NCKAP5L: variants seen among roughly 807,000 people sequenced by gnomAD.
The protein encoded by NCKAP5L is nck-associated protein 5-like.
NCKAP5L carries 54 observed loss-of-function variants against 103.2 expected under a neutral mutation model. The observed-to-expected ratio is 0.52, with a 90% CI of 0.42 to 0.66. The LOEUF is 0.66. Ranked by LOEUF, NCKAP5L falls within the 30% of genes least tolerant of loss-of-function variation. The pLI is 0.00. For missense variants in NCKAP5L, 1,733 were observed against 1,750.6 expected (o/e 0.99, Z 0.18); for synonymous variants, 762 against 748.6 (o/e 1.02, Z -0.29).
chr12:49,824,359 G>A (rs966831753), intron 1 of NCKAP5L, among the ~76,000 whole-genome samples: 5 of 152,238 alleles, frequency 3.3e-5, no homozygotes, highest in Non-Finnish European at 7.3e-5. Flanking sequence ...CTTACAGCCA[G>A]GTAGGCAGAT....
intron 1 of NCKAP5L, among the ~76,000 whole-genome samples, chr12:49,809,555 C>T (rs969127509): frequency 3.9e-5 from 6 of 152,142 alleles, no homozygotes; most frequent in Admixed American, 1.3e-4. Flanking sequence ...TAACACCAAC[C>T]GCTTCCCTCC....
chr12:49,808,389 A>G (rs1264861226), intron 1 of NCKAP5L, among the ~76,000 whole-genome samples: 1 of 152,212 alleles, frequency 6.6e-6, no homozygotes, highest in African/African-American at 2.4e-5. Context: ...CCTCCTCTGC[A>G]TCTGCAGGGC....
At position 49,795,451 on chromosome 12, in the gene NCKAP5L, G is replaced by C; in HGVS notation, c.2409C>G (p.Ser803Arg). Residue 803 changes from serine (S) to arginine (R), a missense_variant, in exon 8 of 13, where the codon AGC becomes AGG. Transcript: ENST00000335999. ...GAGGGCTCTTATTGGGCTTGCCCAG[G>C]CTTGGGGCTGAGGTTGGCACTTTGG... ...TPAKVPTSAP[S>R]LGKPNKSPHS... 1 of 1,568,114 alleles carries C rather than the reference G, an allele frequency of 6.4e-7. No homozygotes were observed.
At chr12:49,794,344 T>C (rs1360439797) in intron 8 of NCKAP5L, among the ~76,000 whole-genome samples, 1 of 152,134 alleles carries the variant, frequency 6.6e-6, no homozygotes, top group Middle Eastern at 3.2e-3. Context: ...CCAAGATGGG[T>C]GGATCCCTTC....
chr12:49,819,496 T>TA (rs1946337807), intron 1 of NCKAP5L, among the ~76,000 whole-genome samples: 1 of 152,114 alleles, frequency 6.6e-6, no homozygotes, highest in Non-Finnish European at 1.5e-5. Context: ...TATTCAGTCC[T>TA]AAAAAAGGAG....
In NCKAP5L at chr12:49,795,859, G is replaced by A. The variant is rs774579281; in HGVS notation, c.2001C>T (p.Ala667=). Residue 667 remains alanine (A), a synonymous_variant, in exon 8 of 13, where the codon GCC becomes GCT. Coordinates refer to ENST00000335999, the MANE Select transcript of NCKAP5L (RefSeq NM_001037806.4). ...GSTPLRDRLA[A]LGKLKTGPEG... is the part of the protein sequence containing the mutation. ...CGGGGCCTGTCTTCAGCTTCCCCAG[G>A]GCCGCCAGTCTGTCCCGCAGAGGTG... is the stretch of plus-strand genomic sequence containing the variant. 1.9e-6 allele frequency: 3 copies of A among 1,567,452 alleles called. No homozygotes were observed. The Admixed American group carries it at 5.8e-5, about 31-fold the overall frequency.
intron 1 of NCKAP5L, among the ~76,000 whole-genome samples, chr12:49,816,963 T>C (rs1946305807): frequency 6.6e-6 from 1 of 152,136 alleles, no homozygotes; most frequent in South Asian, 2.1e-4. Flanking sequence ...GGTCAGCTCT[T>C]GGGCTTCTTG....
Position 49,797,774 on chromosome 12 carries a change from G to T in NCKAP5L, c.466-380C>A, listed in dbSNP as rs1410048464. Reference sequence around the variant, plus strand: ...TTCTCGGGCCCAGAAAGAACACACAGACTCCAGAAGGGAGTGTGATGTGGC... The same window carrying T: ...TTCTCGGGCCCAGAAAGAACACACATACTCCAGAAGGGAGTGTGATGTGGC... On this transcript the variant is annotated intron_variant, in intron 7 of 12. Coordinates refer to ENST00000335999, the MANE Select transcript of NCKAP5L (RefSeq NM_001037806.4). The surrounding 1 kb of genome is among the most constrained non-coding windows in gnomAD (Gnocchi z 4.5). 6.6e-6 allele frequency among the ~76,000 whole-genome samples: 1 copy of T among 152,172 alleles called. No homozygotes were observed. Among genetic ancestry groups the T allele is most frequent in the African/African-American group, 2.4e-5 (1 of 41,428 alleles).
At position 49,791,963 on chromosome 12, in the gene NCKAP5L, G is replaced by C; in HGVS notation, c.3881C>G (p.Pro1294Arg). Reference protein sequence around the residue: ...QGPPFGGSRTPSTSDMAEEGR... With the variant: ...QGPPFGGSRTRSTSDMAEEGR... ...TTCCTCGGCCATGTCCGAAGTGCTG[G>C]GGGTGCGGCTACCCCCGAAAGGTGG... Residue 1294 changes from proline to arginine, a missense_variant, in exon 13 of 13, where the codon CCC (proline) becomes CGC (arginine). Pro to Arg is a moderately radical substitution (Grantham distance 103). Coordinates refer to ENST00000335999, the MANE Select transcript of NCKAP5L (RefSeq NM_001037806.4). 6.2e-7 allele frequency: 1 copy of C among 1,611,234 alleles called. No homozygotes were observed. Among genetic ancestry groups the C allele is most frequent in the South Asian group, 1.1e-5 (1 of 90,804 alleles).
intron 6 of NCKAP5L, among the ~76,000 whole-genome samples, chr12:49,800,387 C>T (rs925069058): frequency 2.6e-5 from 4 of 152,246 alleles, no homozygotes; most frequent in Admixed American, 2.0e-4. Context: ...GCAGAGGCCT[C>T]AGCCCTTAGA....
At chr12:49,816,760 G>A (rs1946302871) in intron 1 of NCKAP5L, among the ~76,000 whole-genome samples, 1 of 150,506 alleles carries the variant, frequency 6.6e-6, no homozygotes, top group Non-Finnish European at 1.5e-5. Context: ...TCGCGCCACT[G>A]TACTCCAGCC....
At chr12:49,808,586 C>T (rs775589215) in intron 1 of NCKAP5L, among the ~76,000 whole-genome samples, 1 of 152,230 alleles carries the variant, frequency 6.6e-6, no homozygotes, top group Non-Finnish European at 1.5e-5. Context: ...ACCACCAGCT[C>T]CAAATCGAAG....
rs747197154 is a variant in NCKAP5L, at chr12:49,792,087, C to G, written c.3793-36G>C. On this transcript the variant is annotated intron_variant, in intron 12 of 12. Coordinates refer to ENST00000335999, the MANE Select transcript of NCKAP5L (RefSeq NM_001037806.4). The surrounding 1 kb of genome is among the most constrained non-coding windows in gnomAD (Gnocchi z 4.5). ...AGGGGCAGCTCGGGAGGAAGCTCCTCTCCACCTTTCGGCCCAGCCTCAGAG... is the reference window on the plus strand; with the variant it reads ...AGGGGCAGCTCGGGAGGAAGCTCCTGTCCACCTTTCGGCCCAGCCTCAGAG... 22 of 1,473,900 alleles carry G rather than the reference C, an allele frequency of 1.5e-5. No individual in the cohort carries two copies. The African/African-American group carries it at 3.1e-4, about 21-fold the overall frequency. The allele number at this position is 1,473,900 out of a possible 1,614,324, so 91.3% of individuals were successfully genotyped here. A position where few individuals can be genotyped will look rare whatever the true frequency, so the allele number is the denominator to read the frequency against.
chr12:49,798,519 C>T (rs928879761), intron 6 of NCKAP5L, 56 bp from the exon 7 acceptor site: 1 of 1,423,496 alleles, frequency 7.0e-7, no homozygotes, highest in African/African-American at 1.4e-5. Flanking sequence ...GCTCCCTACT[C>T]CCTCGCAAAG....
chr12:49,801,614 G>A (rs1378565811), intron 6 of NCKAP5L, among the ~76,000 whole-genome samples: 2 of 152,160 alleles, frequency 1.3e-5, no homozygotes, highest in Non-Finnish European at 2.9e-5. Context: ...CCCAAGGCAG[G>A]AGCAAGTGCA....
At chr12:49,803,054 C>T in intron 4 of NCKAP5L, 43 bp downstream of exon 4, 1 of 1,614,232 alleles carries the variant, frequency 6.2e-7, no homozygotes, top group Non-Finnish European at 8.5e-7. Flanking sequence ...CTGCCAGGAG[C>T]AGATGAGCCA....
At position 49,791,744 on chromosome 12, in the gene NCKAP5L, AGG is replaced by A. The variant is rs35628128; in HGVS notation, c.*93_*94del. On this transcript the variant is annotated 3_prime_UTR_variant, in exon 13 of 13. Transcript: ENST00000335999. ...ATCCACCTGCCTCCTTGGTCCCTTCAGGGAGGGGTCCCCGTCTCCGGGGGCTG... is the reference window on the plus strand; with the variant it reads ...ATCCACCTGCCTCCTTGGTCCCTTCAGAGGGGTCCCCGTCTCCGGGGGCTG... The A allele has an allele frequency of 2.8e-4, 331 of 1,170,778 alleles. No homozygotes were observed. The African/African-American group carries it at 4.2e-3, about 15-fold the overall frequency. 72.5% of individuals were successfully genotyped at this position (1,170,778 alleles called of 1,614,324 possible).
At chr12:49,802,510 GTGCTGGGAT>G (rs1256805944) in intron 5 of NCKAP5L, 1 of 171,688 alleles carries the variant, frequency 5.8e-6, no homozygotes. Context: ...GCCTCCCAAA[GTGCTGGGAT>G]TGCAGGCGTG....
At chr12:49,818,580 C>T (rs984065765) in intron 1 of NCKAP5L, among the ~76,000 whole-genome samples, 25 of 152,080 alleles carry the variant, frequency 1.6e-4, no homozygotes, top group African/African-American at 6.0e-4. Context: ...AGGCTGGTCT[C>T]GAACTCCTGG....
Sources: allele counts gnomAD v4.1 joint callset (sites outside exome capture counted in the v4.1 genomes callset), GRCh38; gene constraint gnomAD v4.1.1; non-coding constraint Gnocchi (gnomAD v3.1); transcripts MANE v1.5; gene names NCBI Gene and HGNC (gene_info 2026-07-23, HGNC 2026-07-21).